Variants in LONRF1 observed in about 807,000 individuals in gnomAD.
LONRF1 encodes LON peptidase N-terminal domain and RING finger protein 1.
Under a neutral mutation model 85.8 loss-of-function variants are expected in LONRF1, and 37 were observed. The observed-to-expected ratio is 0.43, with a 90% CI of 0.33 to 0.57. The LOEUF (loss-of-function observed/expected upper bound fraction) is 0.57, where lower values mean the gene tolerates loss of function less well. LONRF1 is among the 20% of genes least tolerant of loss of function. The pLI, the probability that LONRF1 is intolerant of heterozygous loss-of-function variation, is 0.04. For missense variants in LONRF1, 1,036 were observed against 978.0 expected (o/e 1.06, Z -0.79); for synonymous variants, 517 against 390.1 (o/e 1.33, Z -3.83).
intron 1 of LONRF1, among the ~76,000 whole-genome samples, chr8:12,751,302 T>TTTTTTTTTGTTTTTTTG (rs1554469361): frequency 1.0e-5 from 1 of 96,602 alleles, no homozygotes; most frequent in African/African-American, 3.1e-5. Flanking sequence ...TTATGTTTTT[T>TTTTTTTTTGTTTTTTTG]TTTTTTTTTT....
chr8:12,726,642 TC>T (rs1798318544), intron 10 of LONRF1, among the ~76,000 whole-genome samples: 1 of 152,340 alleles, frequency 6.6e-6, no homozygotes, highest in East Asian at 1.9e-4. Flanking sequence ...TATACTGATT[TC>T]TTTAATGCAC....
chr8:12,744,403 A>T (rs1018281773), intron 1 of LONRF1, among the ~76,000 whole-genome samples: 2 of 152,114 alleles, frequency 1.3e-5, no homozygotes, highest in African/African-American at 2.4e-5. Flanking sequence ...TTTACTTGTT[A>T]AAAAAAGACA....
At chr8:12,740,701 G>C (rs894338313) in intron 3 of LONRF1, among the ~76,000 whole-genome samples, 173 bp downstream of exon 3, 1 of 152,118 alleles carries the variant, frequency 6.6e-6, no homozygotes, top group African/African-American at 2.4e-5. Context: ...ATTTCACTAA[G>C]AACTCAATAT....
chr8:12,734,666 C>G (rs1309720788), intron 7 of LONRF1, among the ~76,000 whole-genome samples: 1 of 152,148 alleles, frequency 6.6e-6, no homozygotes, highest in African/African-American at 2.4e-5. Context: ...GAAGCTGTAC[C>G]TCCCTCTCTT....
At chr8:12,740,842 C>T (rs565938553) in intron 3 of LONRF1, 32 bp downstream of exon 3, 15 of 1,609,558 alleles carry the variant, frequency 9.3e-6, no homozygotes, top group African/African-American at 5.4e-5. Context: ...CTTAGCCCTA[C>T]CATGAACTGT....
At position 12,722,928 on chromosome 8, in the gene LONRF1, C is replaced by T; in HGVS notation, c.*168G>A. 1.7e-6 allele frequency: 1 copy of T among 597,138 alleles called. No individual in the cohort carries two copies. Among genetic ancestry groups the T allele is most frequent in the African/African-American group, 1.8e-5 (1 of 54,092 alleles). The allele number at this position is 597,138 out of a possible 1,614,324, so 37.0% of individuals were successfully genotyped here. On this transcript the variant is annotated 3_prime_UTR_variant, in exon 12 of 12. Coordinates refer to ENST00000398246, the MANE Select transcript of LONRF1 (RefSeq NM_152271.5). ...GTGCAAGTTCTTAGTGGTCTAAATC[C>T]TAGTTGAAGGTATTCATTTGCAGAA...
At chr8:12,729,425 A>C in intron 8 of LONRF1, 93 bp from the exon 9 acceptor site, 1 of 1,261,590 alleles carries the variant, frequency 7.9e-7, no homozygotes, top group Non-Finnish European at 1.1e-6. Flanking sequence ...ACAGTAATGA[A>C]CTAATGTAAA....
rs71205088 is a variant in LONRF1 at position 12,751,304 on chromosome 8, T to TTTTTTTGTTTTTTTG, written c.721+3395_721+3396insCAAAAAAACAAAAAA. ...TATATTTTTATTTTTATGTTTTTTT[T>TTTTTTTGTTTTTTTG]TTTTTTTTTTTTTTTTGAGACTGAG... On this transcript the variant is annotated intron_variant, in intron 1 of 11. Coordinates refer to ENST00000398246, the MANE Select transcript of LONRF1 (RefSeq NM_152271.5). 2.7e-4 allele frequency among the ~76,000 whole-genome samples: 33 copies of TTTTTTTGTTTTTTTG among 122,088 alleles called. 1 individual carries two copies. The highest frequency in any genetic ancestry group is 8.2e-4 in the African/African-American group (28 of 34,296). 80.1% of individuals were successfully genotyped at this position (122,088 alleles called of 152,430 possible). A position where few individuals can be genotyped will look rare whatever the true frequency, so the allele number is the denominator to read the frequency against.
At chr8:12,736,241 C>T (rs1798710813) in intron 6 of LONRF1, among the ~76,000 whole-genome samples, 2 of 152,058 alleles carry the variant, frequency 1.3e-5, no homozygotes, top group South Asian at 4.1e-4. Flanking sequence ...TTATAGCATT[C>T]TGAATAATGG....
chr8:12,737,885 G>T, intron 4 of LONRF1, 110 bp downstream of exon 4: 2 of 1,118,426 alleles, frequency 1.8e-6, no homozygotes, highest in Non-Finnish European at 2.5e-6. Context: ...TAACTAACCA[G>T]GTTAAAAGTA....
intron 1 of LONRF1, among the ~76,000 whole-genome samples, chr8:12,748,398 TG>T (rs34836206): frequency 0.5 from 76,451 of 151,764 alleles, 20,625 homozygotes; most frequent in East Asian, 0.6. Context: ...GGTACCACTA[TG>T]TTGCCCAGGC....
chr8:12,735,184 T>C (rs997684390), intron 7 of LONRF1, 102 bp downstream of exon 7: 12 of 735,700 alleles, frequency 1.6e-5, no homozygotes, highest in Non-Finnish European at 2.3e-5. Flanking sequence ...GAATATAGAA[T>C]GTAATTCTGA....
chr8:12,748,778 G>A (rs190404534), intron 1 of LONRF1, among the ~76,000 whole-genome samples: 3 of 148,048 alleles, frequency 2.0e-5, no homozygotes, highest in African/African-American at 7.4e-5. Context: ...TCAAGCTATC[G>A]AAATTTTCAA....
intron 2 of LONRF1, 106 bp from the exon 3 acceptor site, chr8:12,741,102 G>C (rs1798917089): frequency 1.6e-6 from 2 of 1,262,234 alleles, no homozygotes; most frequent in African/African-American, 3.0e-5. Flanking sequence ...GCCGATTCTG[G>C]GCCGGGTGCA....
intron 1 of LONRF1, among the ~76,000 whole-genome samples, chr8:12,745,684 T>C (rs924439468): frequency 3.9e-5 from 6 of 152,208 alleles, no homozygotes; most frequent in African/African-American, 7.2e-5. Flanking sequence ...GCCCAGCAAG[T>C]GCCTGGCATA....
In LONRF1 at chr8:12,755,289, C is replaced by T; in HGVS notation, c.132G>A (p.Glu44=). The T allele has an allele frequency of 8.0e-7, 1 of 1,245,836 alleles. No individual in the cohort carries two copies. Among genetic ancestry groups the T allele is most frequent in the Non-Finnish European group, 1.0e-6 (1 of 993,208 alleles). 77.2% of individuals were successfully genotyped at this position (1,245,836 alleles called of 1,614,324 possible). A position where few individuals can be genotyped will look rare whatever the true frequency, so the allele number is the denominator to read the frequency against. ...GGAGCAGCAGCTCCCAGCGCTCCGA[C>T]TCCGCGGCCGCGCGCTCCAGCCGAT... ...SGHRLERAAA[E]SERWELLLRR... The change falls in exon 1 of 12, where the codon GAG becomes GAA. Residue 44 remains glutamate, a synonymous_variant. Transcript: ENST00000398246.
At position 12,735,341 on chromosome 8, in the gene LONRF1, T is replaced by C; in HGVS notation, c.1511A>G (p.Glu504Gly). The C allele has an allele frequency of 6.2e-7, 1 of 1,608,496 alleles. No homozygotes were observed. The highest frequency in any genetic ancestry group is 8.5e-7 in the Non-Finnish European group (1 of 1,176,836). Residue 504 changes from glutamate to glycine, a missense_variant, in exon 7 of 12, where the codon GAG (glutamate) becomes GGG (glycine). This residue lies in a region of LONRF1 where 29 missense variants were observed against 62.1 expected (regional missense o/e 0.47). Coordinates refer to ENST00000398246, the MANE Select transcript of LONRF1 (RefSeq NM_152271.5). Reference sequence around the variant, plus strand: ...ATATGGTGCATGATCTAAACAACGCTCAAGACAATTCTTACAGAACGAATG... The same window carrying C: ...ATATGGTGCATGATCTAAACAACGCCCAAGACAATTCTTACAGAACGAATG... The part of the protein sequence containing the change: ...CGHSFCKNCL[E>G]RCLDHAPYCP...
At chr8:12,749,704 C>G (rs1377531797) in intron 1 of LONRF1, among the ~76,000 whole-genome samples, 1 of 151,982 alleles carries the variant, frequency 6.6e-6, no homozygotes, top group Non-Finnish European at 1.5e-5. Context: ...ATATCAAAAG[C>G]CATTACAGTT....
chr8:12,730,881 T>C (rs1798503129), intron 8 of LONRF1, among the ~76,000 whole-genome samples: 1 of 152,160 alleles, frequency 6.6e-6, no homozygotes, highest in Non-Finnish European at 1.5e-5. Context: ...ACATACAAAA[T>C]GTTCAATTTA....
Sources: gnomAD v4.1 joint callset for allele counts (sites outside exome capture counted in the v4.1 genomes callset) on GRCh38, gnomAD v4.1.1 for gene constraint, gnomAD v4.1.1 regional missense constraint, MANE v1.5 for transcripts, NCBI Gene and HGNC (gene_info 2026-07-23, HGNC 2026-07-21) for gene names.